The following TEKT2 variants were observed in gnomAD, a reference collection of about 807,000 sequenced individuals.
TEKT2 encodes tektin-2.
In TEKT2, 45 loss-of-function variants were observed where a neutral mutation model predicts 49.8. That is an observed-to-expected ratio of 0.90 (90% CI 0.71 to 1.16). The LOEUF (loss-of-function observed/expected upper bound fraction) is 1.16, where lower values mean the gene tolerates loss of function less well. Ranked by LOEUF, TEKT2 falls within the 50% of genes most tolerant of loss-of-function variation. The probability of loss-of-function intolerance (pLI) is 0.00; values close to 1 mark genes in which losing one functional copy is unlikely to be tolerated. For synonymous variants in TEKT2, 202 were observed against 224.6 expected (o/e 0.90, Z 0.90); for missense variants, 523 against 551.4 (o/e 0.95, Z 0.52).
chr1:36,085,281 TG>T lies in TEKT2; in HGVS notation c.276del (p.Thr93HisfsTer3). On this transcript the variant is annotated frameshift_variant, in exon 3 of 10. Transcript: ENST00000207457. LOFTEE classifies it high-confidence loss of function. The part of the protein sequence containing the change: ...LTDLDAEIDA[L>X]TQMKESAEQN... ...GATTTAGATGCCGAGATCGATGCCCTGACACAGGCAGGGATCCAGGACTGGG... is the reference window on the plus strand; with the variant it reads ...GATTTAGATGCCGAGATCGATGCCCTACACAGGCAGGGATCCAGGACTGGG... 6.2e-7 allele frequency: 1 copy of T among 1,613,984 alleles called. No individual in the cohort carries two copies. Among genetic ancestry groups the T allele is most frequent in the Non-Finnish European group, 8.5e-7 (1 of 1,180,012 alleles).
chr1:36,088,118 G>T lies in TEKT2; in HGVS notation c.1225G>T (p.Asp409Tyr). The T allele has an allele frequency of 6.2e-7, 1 of 1,612,882 alleles. No homozygotes were observed. Among genetic ancestry groups the T allele is most frequent in the Non-Finnish European group, 8.5e-7 (1 of 1,179,956 alleles). The stretch of plus-strand genomic sequence containing the variant: ...TGCTGAGAGGTTCGTGCCTGAGGTG[G>T]ACACCTTCACACGTACCACAAATAG... ...VPAERFVPEV[D>Y]TFTRTTNSTL... The change falls in exon 10 of 10, where the codon GAC (aspartate) becomes TAC (tyrosine). Residue 409 changes from aspartate (D) to tyrosine (Y), a missense_variant. Transcript: ENST00000207457.
chr1:36,088,024 T>C lies in TEKT2; in HGVS notation c.1131T>C (p.Ile377=). ...ACCTGGCCCGGCTGCAGGCTGACAT[T>C]GCCTGCAAGGCCAACTCCATGCTGC... is the stretch of plus-strand genomic sequence containing the variant. The part of the protein sequence containing the change: ...CKHLARLQAD[I]ACKANSMLLD... The change falls in exon 10 of 10, where the codon ATT becomes ATC. Residue 377 remains isoleucine, a synonymous_variant. Transcript: ENST00000207457. 6.2e-7 allele frequency: 1 copy of C among 1,612,544 alleles called. No homozygotes were observed. Among genetic ancestry groups the C allele is most frequent in the Non-Finnish European group, 8.5e-7 (1 of 1,179,742 alleles).
In TEKT2 at chr1:36,086,965, C is replaced by A; in HGVS notation, c.667C>A (p.Arg223=). ...TTLQQWDDFS[R]FNKDRAEAEM... is the part of the protein sequence containing the mutation. ...ACTCCAGCAGTGGGATGACTTCAGT[C>A]GGTTCAACAAGGACCGAGCGGAGGC... Residue 223 remains arginine (R), a synonymous_variant, in exon 6 of 10, where the codon CGG becomes AGG. Transcript: ENST00000207457. The A allele has an allele frequency of 6.2e-7, 1 of 1,613,870 alleles. No individual in the cohort carries two copies. The highest frequency in any genetic ancestry group is 1.1e-5 in the South Asian group (1 of 91,018).
intron 4 of TEKT2, 101 bp downstream of exon 4, chr1:36,086,142 G>A: frequency 3.6e-6 from 5 of 1,385,550 alleles, no homozygotes; most frequent in East Asian, 2.5e-5. Context: ...ACTGGCTCTC[G>A]TGCTACATTT....
In TEKT2 at chr1:36,087,251, C is replaced by T. The variant is rs1368802085; in HGVS notation, c.795C>T (p.Phe265=). 2 of 1,614,142 alleles carry T rather than the reference C, an allele frequency of 1.2e-6. No homozygotes were observed. The highest frequency in any genetic ancestry group is 8.5e-7 in the Non-Finnish European group (1 of 1,180,036). The stretch of plus-strand genomic sequence containing the variant: ...AGAGAGTTGCAACGGAATTTGCCTT[C>T]AGGAAGCGGCTGCGGGAGATGGAGA... The part of the protein sequence containing the change: ...EAQRVATEFA[F]RKRLREMEKV... The change falls in exon 7 of 10, where the codon TTC becomes TTT. Residue 265 remains phenylalanine (F), a synonymous_variant. Transcript: ENST00000207457. The surrounding 1 kb of genome is among the most constrained non-coding windows in gnomAD (Gnocchi z 4.9).
Position 36,087,140 on chromosome 1 carries a change from T to G in TEKT2, c.748-64T>G. The G allele has an allele frequency of 6.2e-7, 1 of 1,609,312 alleles. No individual in the cohort carries two copies. On this transcript the variant is annotated intron_variant, in intron 6 of 9. Transcript: ENST00000207457. The surrounding 1 kb of genome is among the most constrained non-coding windows in gnomAD (Gnocchi z 4.9). ...TGCATGTGGCCCCCTGCCCCTCGCT[T>G]GAGTAATATCCTCAGGCAGCCCTGA...
At chr1:36,085,371 G>C in intron 3 of TEKT2, 83 bp downstream of exon 3, 1 of 1,600,282 alleles carries the variant, frequency 6.2e-7, no homozygotes. Context: ...AGCCCTTGAT[G>C]GGGGGTCATG....
Position 36,085,885 on chromosome 1 carries a change from A to AT in TEKT2, c.333dup (p.Val112CysfsTer4). On this transcript the variant is annotated frameshift_variant, in exon 4 of 10. Coordinates refer to ENST00000207457, the MANE Select transcript of TEKT2 (RefSeq NM_014466.3). LOFTEE classifies it high-confidence loss of function. ...CTGCAGGCCAAGAACCTGCCTCTGGATGTGGCCATTGAGTGCCTGACCCTG... is the reference window on the plus strand; with the variant it reads ...CTGCAGGCCAAGAACCTGCCTCTGGATTGTGGCCATTGAGTGCCTGACCCTG... 1 of 1,613,938 alleles carries AT rather than the reference A, an allele frequency of 6.2e-7. No individual in the cohort carries two copies. Among genetic ancestry groups the AT allele is most frequent in the Non-Finnish European group, 8.5e-7 (1 of 1,179,986 alleles).
In TEKT2 at chr1:36,085,885, A is replaced by T; in HGVS notation, c.332A>T (p.Asp111Val). The T allele has an allele frequency of 6.2e-7, 1 of 1,613,938 alleles. No homozygotes were observed. The highest frequency in any genetic ancestry group is 8.5e-7 in the Non-Finnish European group (1 of 1,179,986). Reference protein sequence around the residue: ...QNLQAKNLPLDVAIECLTLRE... With the variant: ...QNLQAKNLPLVVAIECLTLRE... ...CTGCAGGCCAAGAACCTGCCTCTGG[A>T]TGTGGCCATTGAGTGCCTGACCCTG... is the stretch of plus-strand genomic sequence containing the variant. Residue 111 changes from aspartate to valine, a missense_variant, in exon 4 of 10, where the codon GAT (aspartate) becomes GTT (valine). Coordinates refer to ENST00000207457, the MANE Select transcript of TEKT2 (RefSeq NM_014466.3).
chr1:36,085,502 C>CTTT (rs1557729258), intron 3 of TEKT2, among the ~76,000 whole-genome samples: 15 of 131,414 alleles, frequency 1.1e-4, no homozygotes, highest in African/African-American at 4.1e-4. Context: ...TTCTTTCTTT[C>CTTT]TTTTCTTTTT....
At chr1:36,085,795 CA>C in intron 3 of TEKT2, 40 bp from the exon 4 acceptor site, 5 of 1,590,798 alleles carry the variant, frequency 3.1e-6, no homozygotes, top group Non-Finnish European at 4.3e-6. Flanking sequence ...GCTGGGATTA[CA>C]GATGTGAGCC....
At chr1:36,085,779 C>G in intron 3 of TEKT2, 57 bp from the exon 4 acceptor site, 4 of 1,559,802 alleles carry the variant, frequency 2.6e-6, no homozygotes, top group Non-Finnish European at 3.5e-6. Flanking sequence ...CTCGGCCTCC[C>G]GAAGTGCTGG....
At position 36,085,888 on chromosome 1, in the gene TEKT2, T is replaced by C; in HGVS notation, c.335T>C (p.Val112Ala). Residue 112 changes from valine (V) to alanine (A), a missense_variant, in exon 4 of 10, where the codon GTG (valine) becomes GCG (alanine). Transcript: ENST00000207457. ...NLQAKNLPLD[V>A]AIECLTLRES... ...CAGGCCAAGAACCTGCCTCTGGATG[T>C]GGCCATTGAGTGCCTGACCCTGCGG... 6.2e-7 allele frequency: 1 copy of C among 1,614,058 alleles called. No individual in the cohort carries two copies. The highest frequency in any genetic ancestry group is 1.1e-5 in the South Asian group (1 of 91,062).
In TEKT2 at chr1:36,087,987, C is replaced by T. The variant is rs769942508; in HGVS notation, c.1094C>T (p.Ala365Val). ...TCCTTCCCTAGGGACGCACTGGACG[C>T]CCTGTGCAAGCACCTGGCCCGGCTG... ...KLAQAQDALDALCKHLARLQA... is the reference protein window; with the variant it reads ...KLAQAQDALDVLCKHLARLQA... Residue 365 changes from alanine (A) to valine (V), a missense_variant, in exon 10 of 10, where the codon GCC (alanine) becomes GTC (valine). By Grantham distance (64) the Ala-to-Val change is moderately conservative. Coordinates refer to ENST00000207457, the MANE Select transcript of TEKT2 (RefSeq NM_014466.3). This position sits in a 1 kb window ranked among gnomAD's most constrained non-coding sequence, Gnocchi z 4.9. 3 of 1,610,712 alleles carry T rather than the reference C, an allele frequency of 1.9e-6. No homozygotes were observed. The highest frequency in any genetic ancestry group is 2.5e-6 in the Non-Finnish European group (3 of 1,179,094).
At position 36,085,238 on chromosome 1, in the gene TEKT2, C is replaced by A; in HGVS notation, c.232C>A (p.Leu78Met). ...TACTGTCAACCGGTGGAAGGAGATG[C>A]TGGACAAGTGTCTGACAGATTTAGA... ...IDTVNRWKEMLDKCLTDLDAE... is the reference protein window; with the variant it reads ...IDTVNRWKEMMDKCLTDLDAE... The change falls in exon 3 of 10, where the codon CTG (leucine) becomes ATG (methionine). Residue 78 changes from leucine (L) to methionine (M), a missense_variant. Transcript: ENST00000207457. The A allele has an allele frequency of 6.2e-7, 1 of 1,614,180 alleles. No homozygotes were observed.
Position 36,087,624 on chromosome 1 carries a change from GT to G in TEKT2, c.999+46del. The G allele has an allele frequency of 6.2e-7, 1 of 1,613,428 alleles. No homozygotes were observed. The highest frequency in any genetic ancestry group is 8.5e-7 in the Non-Finnish European group (1 of 1,179,934). The stretch of plus-strand genomic sequence containing the variant: ...GTGGCGCACGGGCCCCCTAGCCAAG[GT>G]TTTCTCATATTCCTGATGGAGCAAG... On this transcript the variant is annotated intron_variant, in intron 8 of 9. Coordinates refer to ENST00000207457, the MANE Select transcript of TEKT2 (RefSeq NM_014466.3). This position sits in a 1 kb window ranked among gnomAD's most constrained non-coding sequence, Gnocchi z 4.9.
chr1:36,085,281 T>G lies in TEKT2; in HGVS notation c.275T>G (p.Leu92Arg), dbSNP rs753878016. ...LTDLDAEIDA[L>R]TQMKESAEQN... Reference sequence around the variant, plus strand: ...GATTTAGATGCCGAGATCGATGCCCTGACACAGGCAGGGATCCAGGACTGG... The same window carrying G: ...GATTTAGATGCCGAGATCGATGCCCGGACACAGGCAGGGATCCAGGACTGG... The change falls in exon 3 of 10, where the codon CTG becomes CGG. Residue 92 changes from leucine (L) to arginine (R), a missense_variant. Coordinates refer to ENST00000207457, the MANE Select transcript of TEKT2 (RefSeq NM_014466.3). 6.2e-7 allele frequency: 1 copy of G among 1,613,984 alleles called. No homozygotes were observed. The highest frequency in any genetic ancestry group is 8.5e-7 in the Non-Finnish European group (1 of 1,180,012).
At position 36,087,533 on chromosome 1, in the gene TEKT2, G is replaced by A. The variant is rs920587054; in HGVS notation, c.950G>A (p.Arg317Gln). ...CTGAGCCTGAAGCTGTCCCATACCC[G>A]GCTAGAGGCCAGAACCTACCGGCCC... ...KLLSLKLSHT[R>Q]LEARTYRPNV... Residue 317 changes from arginine (R) to glutamine (Q), a missense_variant, in exon 8 of 10, where the codon CGG (arginine) becomes CAG (glutamine). Coordinates refer to ENST00000207457, the MANE Select transcript of TEKT2 (RefSeq NM_014466.3). The surrounding 1 kb of genome is among the most constrained non-coding windows in gnomAD (Gnocchi z 4.9). 1.2e-5 allele frequency: 19 copies of A among 1,613,728 alleles called. No homozygotes were observed. The highest frequency in any genetic ancestry group is 3.3e-4 in the Middle Eastern group (2 of 6,084).
Position 36,088,200 on chromosome 1 carries a change from CAGG to C in TEKT2, c.*21_*23del. The C allele has an allele frequency of 6.4e-7, 1 of 1,571,458 alleles. No individual in the cohort carries two copies. The highest frequency in any genetic ancestry group is 8.7e-7 in the Non-Finnish European group (1 of 1,144,852). On this transcript the variant is annotated 3_prime_UTR_variant, in exon 10 of 10. Transcript: ENST00000207457. ...GAGCTGGCCTAGCCTTGGAGGACTG[CAGG>C]AGGAGGGCAGGGTTGGGTGGGCAAT... is the stretch of plus-strand genomic sequence containing the variant.
Sources: allele counts gnomAD v4.1 joint callset (sites outside exome capture counted in the v4.1 genomes callset), GRCh38; gene constraint gnomAD v4.1.1; non-coding constraint Gnocchi (gnomAD v3.1); transcripts MANE v1.5; gene names NCBI Gene and HGNC (gene_info 2026-07-23, HGNC 2026-07-21).